Variants in PKHD1 observed in about 807,000 individuals in gnomAD.
PKHD1 encodes the protein PKHD1 ciliary IPT domain containing fibrocystin/polyductin.
A neutral mutation model predicts 412.0 loss-of-function variants in PKHD1; 291 were observed. The ratio of observed to expected loss-of-function variants is 0.71; its 90% CI spans 0.64 to 0.78. The LOEUF (loss-of-function observed/expected upper bound fraction) is 0.78, where lower values mean the gene tolerates loss of function less well. Ranked by LOEUF, PKHD1 falls within the 30% of genes least tolerant of loss-of-function variation. The pLI is 0.00. For synonymous variants in PKHD1, 1,777 were observed against 1,821.5 expected (o/e 0.98, Z 0.62); for missense variants, 4,825 against 4,950.7 (o/e 0.97, Z 0.76).
chr6:52,031,567 G>A (rs1007288599), intron 29 of PKHD1, among the ~76,000 whole-genome samples: 1 of 152,182 alleles, frequency 6.6e-6, no homozygotes, highest in African/African-American at 2.4e-5. Flanking sequence ...TGGTTGAGCT[G>A]GGATTCATGC....
At chr6:51,925,158 C>T (rs1334799426) in intron 37 of PKHD1, among the ~76,000 whole-genome samples, 2 of 152,150 alleles carry the variant, frequency 1.3e-5, no homozygotes, top group African/African-American at 4.8e-5. Flanking sequence ...CAAAGTCAAG[C>T]TCATCTAGAG....
intron 60 of PKHD1, among the ~76,000 whole-genome samples, chr6:51,677,034 A>G (rs1479833009): frequency 5.3e-5 from 8 of 152,132 alleles, no homozygotes. Context: ...CTATTGAGGG[A>G]CCATAATATG....
At position 52,014,828 on chromosome 6, in the gene PKHD1, G is replaced by A. The variant is rs560127507; in HGVS notation, c.5600+2582C>T. ...TGGATGGATGGATGGATGGATGGAC[G>A]GACGAATAGACAGGGTATAATTTTT... On this transcript the variant is annotated intron_variant, in intron 34 of 66. Coordinates refer to ENST00000371117, the MANE Select transcript of PKHD1 (RefSeq NM_138694.4). Among the ~76,000 whole-genome samples, 101 of 152,044 alleles carry A rather than the reference G, an allele frequency of 6.6e-4. 1 individual carries two copies. The highest frequency in any genetic ancestry group is 1.4e-3 in the African/African-American group (59 of 41,492).
intron 37 of PKHD1, among the ~76,000 whole-genome samples, chr6:51,927,684 G>T (rs188066829): frequency 6.6e-6 from 1 of 152,224 alleles, no homozygotes; most frequent in African/African-American, 2.4e-5. Flanking sequence ...TGCATATGCA[G>T]CCTATTTGCT....
Position 51,759,982 on chromosome 6 carries a change from A to G in PKHD1, c.8643-5044T>C, listed in dbSNP as rs571198808. 3.9e-5 allele frequency among the ~76,000 whole-genome samples: 6 copies of G among 152,200 alleles called. No homozygotes were observed. In the South Asian group the frequency reaches 1.2e-3, roughly 32 times the overall value. On this transcript the variant is annotated intron_variant, in intron 55 of 66. Coordinates refer to ENST00000371117, the MANE Select transcript of PKHD1 (RefSeq NM_138694.4). ...CATCATAATAGTAGTGAATTTGGCA[A>G]TAGAACCCAATAGTTTATTGGACCT...
At chr6:51,937,692 C>T (rs1382235442) in intron 36 of PKHD1, among the ~76,000 whole-genome samples, 1 of 152,210 alleles carries the variant, frequency 6.6e-6, no homozygotes, top group Non-Finnish European at 1.5e-5. Flanking sequence ...TAGAATGACA[C>T]ACCCCGCATA....
chr6:51,625,812 C>T (rs1045048438), intron 66 of PKHD1, among the ~76,000 whole-genome samples: 1 of 152,158 alleles, frequency 6.6e-6, no homozygotes, highest in African/African-American at 2.4e-5. Flanking sequence ...CGTTCAAACA[C>T]CTGTCCTGAG....
intron 37 of PKHD1, among the ~76,000 whole-genome samples, chr6:51,919,503 C>T (rs908670338): frequency 2.8e-4 from 43 of 152,168 alleles, no homozygotes; most frequent in African/African-American, 1.0e-3. Context: ...TGTTTTGGTA[C>T]AAGTACCATG....
intron 49 of PKHD1, among the ~76,000 whole-genome samples, chr6:51,851,571 T>G (rs1322891679): frequency 6.6e-6 from 1 of 152,226 alleles, no homozygotes; most frequent in Non-Finnish European, 1.5e-5. Flanking sequence ...TATTAATTAC[T>G]GCCTCAATTT....
chr6:52,085,098 T>A (rs745713571), intron 1 of PKHD1, 81 bp from the exon 2 acceptor site: 36 of 628,512 alleles, frequency 5.7e-5, no homozygotes, highest in Non-Finnish European at 9.9e-5. Flanking sequence ...ACCTGGGAAA[T>A]TAAGGAGATG....
intron 4 of PKHD1, among the ~76,000 whole-genome samples, chr6:52,081,562 C>A (rs1268901573): frequency 3.3e-5 from 5 of 149,976 alleles, no homozygotes; most frequent in African/African-American, 2.5e-5. Flanking sequence ...GTGTAAATTA[C>A]AAAAAAAAAA....
At chr6:51,923,741 A>G (rs1785094819) in intron 37 of PKHD1, among the ~76,000 whole-genome samples, 1 of 152,234 alleles carries the variant, frequency 6.6e-6, no homozygotes. Flanking sequence ...AATTTTACAA[A>G]GAGAGCTATA....
At chr6:51,818,590 C>T (rs1369966533) in intron 52 of PKHD1, among the ~76,000 whole-genome samples, 4 of 152,306 alleles carry the variant, frequency 2.6e-5, no homozygotes, top group African/African-American at 7.2e-5. Context: ...CCATTAGCTG[C>T]TTCCCAGTAT....
At position 51,744,452 on chromosome 6, in the gene PKHD1, AC is replaced by A; in HGVS notation, c.10088del (p.Gly3363ValfsTer37). On this transcript the variant is annotated frameshift_variant, in exon 60 of 67. Coordinates refer to ENST00000371117, the MANE Select transcript of PKHD1 (RefSeq NM_138694.4). LOFTEE classifies it high-confidence loss of function. ...LFKDLDGRAL[G>X]LPPPVSVFPK... is the part of the protein sequence containing the mutation. ...GAAATACAGAAACTGGTGGAGGCAG[AC>A]CCAGGGCTCTCCCATCCAGATCCTT... is the stretch of plus-strand genomic sequence containing the variant. 1 of 1,613,548 alleles carries A rather than the reference AC, an allele frequency of 6.2e-7. No individual in the cohort carries two copies. The highest frequency in any genetic ancestry group is 1.3e-5 in the African/African-American group (1 of 75,020).
chr6:51,810,970 T>C (rs1443489654), intron 52 of PKHD1, among the ~76,000 whole-genome samples: 6 of 152,194 alleles, frequency 3.9e-5, no homozygotes, highest in Non-Finnish European at 7.3e-5. Context: ...CCTATTTAAC[T>C]ATAATTTGTG....
At chr6:51,978,634 C>T (rs560232124) in intron 35 of PKHD1, among the ~76,000 whole-genome samples, 17 of 152,226 alleles carry the variant, frequency 1.1e-4, no homozygotes, top group African/African-American at 3.9e-4. Flanking sequence ...AGAGATGAGG[C>T]CGTTTTGACA....
At chr6:52,054,829 G>T (rs1807454117) in intron 19 of PKHD1, among the ~76,000 whole-genome samples, 1 of 152,114 alleles carries the variant, frequency 6.6e-6, no homozygotes, top group Admixed American at 6.5e-5. Flanking sequence ...CACCTCCACT[G>T]GGCGCCCCTG....
intron 60 of PKHD1, among the ~76,000 whole-genome samples, chr6:51,662,444 A>C (rs1773011157): frequency 6.6e-6 from 1 of 151,958 alleles, no homozygotes; most frequent in South Asian, 2.1e-4. Flanking sequence ...TATATAGTAT[A>C]TCCTAAATAT....
At chr6:52,009,596 C>T (rs1799545735) in intron 35 of PKHD1, among the ~76,000 whole-genome samples, 1 of 152,136 alleles carries the variant, frequency 6.6e-6, no homozygotes, top group East Asian at 1.9e-4. Context: ...TATCTTTGTG[C>T]CGTGAGAAGC....
Sources: allele counts gnomAD v4.1 joint callset (sites outside exome capture counted in the v4.1 genomes callset), GRCh38; gene constraint gnomAD v4.1.1; transcripts MANE v1.5; gene names NCBI Gene and HGNC (gene_info 2026-07-23, HGNC 2026-07-21).